The following CIMAP3 variants were observed in gnomAD, a reference collection of about 807,000 sequenced individuals.
The protein encoded by CIMAP3 is ciliary microtubule associated protein 3.
At chr1:111,339,747 G>A in the CIMAP3 span, among the ~76,000 whole-genome samples, 2 of 151,830 alleles carry the variant, frequency 1.3e-5, no homozygotes, top group African/African-American at 4.9e-5. Flanking sequence ...TCATGGGTAG[G>A]AAGAATCAAT....
At chr1:111,326,139 C>A in the CIMAP3 span, among the ~76,000 whole-genome samples, 17,058 of 152,098 alleles carry the variant, frequency 0.11, 1,087 homozygotes, top group Non-Finnish European at 0.14. Context: ...GTATTTGTCA[C>A]TTCTATATAT....
the CIMAP3 span, among the ~76,000 whole-genome samples, chr1:111,350,822 A>C: frequency 6.6e-6 from 1 of 152,258 alleles, no homozygotes; most frequent in Admixed American, 6.5e-5. Context: ...CATTTAACAC[A>C]GTACTTGATA....
At chr1:111,346,811 C>G in the CIMAP3 span, 1 of 1,575,770 alleles carries the variant, frequency 6.3e-7, no homozygotes. Flanking sequence ...ACGGTTGGGC[C>G]CTGTCCTCTG....
chr1:111,330,821 C>G, the CIMAP3 span, among the ~76,000 whole-genome samples: 1 of 152,230 alleles, frequency 6.6e-6, no homozygotes, highest in Non-Finnish European at 1.5e-5. Flanking sequence ...TCAGTGCAAT[C>G]AGCCCAGGAT....
the CIMAP3 span, chr1:111,346,791 T>C: frequency 6.4e-7 from 1 of 1,573,266 alleles, no homozygotes; most frequent in Non-Finnish European, 8.7e-7. Context: ...TGGCGTGGTT[T>C]TGTAAGCGCA....
the CIMAP3 span, chr1:111,350,346 A>G: frequency 2.4e-5 from 18 of 746,106 alleles, no homozygotes; most frequent in African/African-American, 3.5e-5. Context: ...AAAAAATTAT[A>G]TGCACAATTT....
the CIMAP3 span, among the ~76,000 whole-genome samples, chr1:111,335,312 C>T: frequency 6.6e-5 from 10 of 151,942 alleles, no homozygotes; most frequent in East Asian, 1.9e-4. Flanking sequence ...TCTGAGGTAC[C>T]GGGTTCATCT....
At chr1:111,336,945 G>A in the CIMAP3 span, among the ~76,000 whole-genome samples, 1 of 151,852 alleles carries the variant, frequency 6.6e-6, no homozygotes, top group Non-Finnish European at 1.5e-5. Context: ...GGCAGCCAGA[G>A]AGAAAGGTCG....
chr1:111,331,363 G>C, the CIMAP3 span, among the ~76,000 whole-genome samples: 1 of 152,068 alleles, frequency 6.6e-6, no homozygotes, highest in Non-Finnish European at 1.5e-5. Flanking sequence ...CATAAATCCT[G>C]TAATCTTTCT....
At chr1:111,332,288 G>C in the CIMAP3 span, among the ~76,000 whole-genome samples, 2 of 152,194 alleles carry the variant, frequency 1.3e-5, no homozygotes, top group African/African-American at 4.8e-5. Flanking sequence ...AGTTTCTCAG[G>C]TCTGTCTGGG....
chr1:111,331,375 CATTCTTTCTA>C, the CIMAP3 span, among the ~76,000 whole-genome samples: 1 of 152,152 alleles, frequency 6.6e-6, no homozygotes, highest in Admixed American at 6.5e-5. Context: ...AATCTTTCTT[CATTCTTTCTA>C]ATTCTTTCTT....
At chr1:111,351,547 T>C in the CIMAP3 span, 1 of 380,280 alleles carries the variant, frequency 2.6e-6, no homozygotes. Flanking sequence ...TGTCTGGGTC[T>C]GTGGGTTTCT....
the CIMAP3 span, among the ~76,000 whole-genome samples, chr1:111,328,033 T>C: frequency 6.6e-6 from 1 of 152,198 alleles, no homozygotes; most frequent in Non-Finnish European, 1.5e-5. Context: ...TCCCAGAGAT[T>C]CTGGTATGTT....
chr1:111,348,450 G>A, the CIMAP3 span: 2 of 1,392,510 alleles, frequency 1.4e-6, no homozygotes, highest in East Asian at 2.5e-5. Context: ...TTTTCTACCT[G>A]GAAGGCTTTA....
the CIMAP3 span, chr1:111,349,456 G>C: frequency 6.6e-6 from 1 of 152,310 alleles, no homozygotes; most frequent in Non-Finnish European, 1.5e-5. Context: ...AAGCTATTCA[G>C]AATGTATAGA....
the CIMAP3 span, among the ~76,000 whole-genome samples, chr1:111,333,292 A>G: frequency 6.6e-6 from 1 of 152,180 alleles, no homozygotes; most frequent in African/African-American, 2.4e-5. Flanking sequence ...CTGGGCTTGC[A>G]ACATTCAACC....
chr1:111,333,872 A>G, the CIMAP3 span, among the ~76,000 whole-genome samples: 1 of 152,246 alleles, frequency 6.6e-6, no homozygotes, highest in African/African-American at 2.4e-5. Context: ...GCTGATGTTC[A>G]GAACCTCATA....
the CIMAP3 span, among the ~76,000 whole-genome samples, chr1:111,339,472 A>C: frequency 6.6e-6 from 1 of 150,816 alleles, no homozygotes; most frequent in Non-Finnish European, 1.5e-5. Context: ...TCTCAGCCCA[A>C]AATCTCCTTA....
chr1:111,351,276 C>T, the CIMAP3 span: 6 of 1,577,196 alleles, frequency 3.8e-6, no homozygotes, highest in Non-Finnish European at 5.2e-6. Context: ...CAGACAAAGA[C>T]TTTAGAAAGC....
Sources: gnomAD v4.1 joint callset for allele counts (sites outside exome capture counted in the v4.1 genomes callset) on GRCh38, gnomAD v4.1.1 for gene constraint, MANE v1.5 for transcripts, NCBI Gene and HGNC (gene_info 2026-07-23, HGNC 2026-07-21) for gene names.